The following ERC2 variants were observed in gnomAD, a reference collection of about 807,000 sequenced individuals.
ERC2 encodes the protein ERC protein 2.
In ERC2, 42 loss-of-function variants were observed where a neutral mutation model predicts 114.8. The observed-to-expected ratio is 0.37, with a 90% confidence interval of 0.29 to 0.47. ERC2 has a LOEUF of 0.47. ERC2 is among the 20% of genes least tolerant of loss of function. The probability of loss-of-function intolerance (pLI) is 0.99; values close to 1 mark genes in which losing one functional copy is unlikely to be tolerated. For synonymous variants in ERC2, 454 were observed against 425.5 expected (o/e 1.07, Z -0.82); for missense variants, 939 against 1,150.7 (o/e 0.82, Z 2.66).
At chr3:55,976,620 A>G (rs1222932938) in intron 12 of ERC2, among the ~76,000 whole-genome samples, 1 of 152,234 alleles carries the variant, frequency 6.6e-6, no homozygotes, top group Non-Finnish European at 1.5e-5. Context: ...ACAAGCAAGT[A>G]AGAGTGTGCC....
intron 13 of ERC2, among the ~76,000 whole-genome samples, chr3:55,895,284 G>A (rs1303328475): frequency 6.6e-6 from 1 of 152,160 alleles, no homozygotes; most frequent in African/African-American, 2.4e-5. Flanking sequence ...AAATATTTGA[G>A]GGCGGGAGCC....
intron 2 of ERC2, among the ~76,000 whole-genome samples, chr3:56,428,237 C>A (rs566050008): frequency 6.6e-6 from 1 of 152,190 alleles, no homozygotes; most frequent in Non-Finnish European, 1.5e-5. Context: ...AATGGCCCTG[C>A]AGGCTGGGGG....
chr3:56,125,309 A>G (rs963886970), intron 6 of ERC2, among the ~76,000 whole-genome samples: 4 of 152,218 alleles, frequency 2.6e-5, no homozygotes, highest in Non-Finnish European at 5.9e-5. Flanking sequence ...GAAGACTCCA[A>G]GCAGGCAAAA....
At chr3:56,046,021 C>T (rs989817111) in intron 7 of ERC2, among the ~76,000 whole-genome samples, 2 of 152,130 alleles carry the variant, frequency 1.3e-5, no homozygotes, top group African/African-American at 2.4e-5. Flanking sequence ...CCTGAGCCCC[C>T]GACTAGAAGT....
chr3:55,704,155 C>A (rs938078749), intron 15 of ERC2, among the ~76,000 whole-genome samples: 10 of 152,216 alleles, frequency 6.6e-5, no homozygotes, highest in Non-Finnish European at 1.2e-4. Flanking sequence ...GATACTCCAA[C>A]TCTTTTGACA....
intron 3 of ERC2, among the ~76,000 whole-genome samples, chr3:56,185,851 T>G (rs6779122): frequency 6.6e-6 from 1 of 151,922 alleles, no homozygotes; most frequent in East Asian, 1.9e-4. Context: ...AGCTGAGAAC[T>G]TTCTCTGGCT....
rs3816575 is a variant in ERC2 at position 56,018,811 on chromosome 3, G to A, written c.1779+83C>T. On this transcript the variant is annotated intron_variant, in intron 8 of 17. Coordinates refer to ENST00000288221, the MANE Select transcript of ERC2 (RefSeq NM_015576.3). ...AGTGTTAGCAAAAGAAGAAAAGCAGGCACATTTAAATGCATTGGGATCAAC... is the reference window on the plus strand; with the variant it reads ...AGTGTTAGCAAAAGAAGAAAAGCAGACACATTTAAATGCATTGGGATCAAC... 7.6e-6 allele frequency: 11 copies of A among 1,439,616 alleles called. No homozygotes were observed. The African/African-American group carries it at 1.6e-4, about 20-fold the overall frequency. 89.2% of individuals were successfully genotyped at this position (1,439,616 alleles called of 1,614,324 possible).
At chr3:55,710,865 G>A (rs1269551577) in intron 15 of ERC2, among the ~76,000 whole-genome samples, 1 of 152,152 alleles carries the variant, frequency 6.6e-6, no homozygotes, top group Non-Finnish European at 1.5e-5. Context: ...GTGAATCCAA[G>A]CTTACTACTT....
intron 3 of ERC2, among the ~76,000 whole-genome samples, chr3:56,218,577 A>T (rs1204528924): frequency 8.5e-5 from 13 of 152,182 alleles, no homozygotes; most frequent in African/African-American, 2.9e-4. Flanking sequence ...TAGAAGTCAG[A>T]GTGGCAATCC....
chr3:55,762,417 A>G (rs1412692818), intron 14 of ERC2, among the ~76,000 whole-genome samples: 2 of 152,226 alleles, frequency 1.3e-5, no homozygotes, highest in Non-Finnish European at 2.9e-5. Flanking sequence ...GAAGCCACTG[A>G]AAATCAATAT....
At chr3:55,585,068 C>A (rs1362740611) in intron 17 of ERC2, among the ~76,000 whole-genome samples, 1 of 152,206 alleles carries the variant, frequency 6.6e-6, no homozygotes, top group Non-Finnish European at 1.5e-5. Context: ...CTCTTTCGGG[C>A]AGGCTGCTGC....
intron 2 of ERC2, among the ~76,000 whole-genome samples, chr3:56,305,066 T>C (rs892411721): frequency 6.6e-6 from 1 of 152,112 alleles, no homozygotes; most frequent in Non-Finnish European, 1.5e-5. Context: ...AATTGTATTA[T>C]GTGGTTTTCT....
chr3:55,736,544 T>G (rs1468091165), intron 14 of ERC2, among the ~76,000 whole-genome samples: 1 of 152,200 alleles, frequency 6.6e-6, no homozygotes, highest in East Asian at 1.9e-4. Flanking sequence ...ATCTTATTTA[T>G]TATTTGCTTT....
chr3:55,662,938 T>G (rs2061201607), intron 17 of ERC2, among the ~76,000 whole-genome samples: 1 of 152,174 alleles, frequency 6.6e-6, no homozygotes. Flanking sequence ...AACTTCTAGT[T>G]TCTGGATGGC....
At chr3:55,636,325 G>T (rs2059956508) in intron 17 of ERC2, among the ~76,000 whole-genome samples, 2 of 152,186 alleles carry the variant, frequency 1.3e-5, no homozygotes, top group Non-Finnish European at 2.9e-5. Context: ...AGACTAACAA[G>T]CCTGGTTCCA....
chr3:56,236,294 A>G (rs2050942445), intron 3 of ERC2, among the ~76,000 whole-genome samples: 1 of 151,832 alleles, frequency 6.6e-6, no homozygotes, highest in Non-Finnish European at 1.5e-5. Flanking sequence ...TTTTTCAAGT[A>G]TCACTTGAGA....
intron 7 of ERC2, among the ~76,000 whole-genome samples, chr3:56,064,742 T>C (rs1235273862): frequency 3.3e-5 from 5 of 152,192 alleles, no homozygotes; most frequent in African/African-American, 1.2e-4. Flanking sequence ...GGTTGCTATA[T>C]GATAGAGTTG....
At chr3:55,736,205 T>A (rs891816413) in intron 14 of ERC2, among the ~76,000 whole-genome samples, 4 of 152,238 alleles carry the variant, frequency 2.6e-5, no homozygotes, top group African/African-American at 9.6e-5. Flanking sequence ...TGCATCACTC[T>A]TTAGACTTGA....
intron 3 of ERC2, among the ~76,000 whole-genome samples, chr3:56,203,907 C>T (rs2048549624): frequency 6.6e-6 from 1 of 152,178 alleles, no homozygotes. Context: ...ACAGGCCGGG[C>T]CTGGTGGCTT....
Sources: allele counts gnomAD v4.1 joint callset (sites outside exome capture counted in the v4.1 genomes callset), GRCh38; gene constraint gnomAD v4.1.1; transcripts MANE v1.5; gene names NCBI Gene and HGNC (gene_info 2026-07-23, HGNC 2026-07-21).